DCLRE1C: variants seen among roughly 807,000 people sequenced by gnomAD.
The protein encoded by DCLRE1C is protein artemis.
Under a neutral mutation model 61.4 loss-of-function variants are expected in DCLRE1C, and 47 were observed. The ratio of observed to expected loss-of-function variants is 0.77; its 90% CI spans 0.61 to 0.98. The LOEUF is 0.98. Among genes scored for constraint, DCLRE1C ranks in the 50% least tolerant of loss-of-function variants. DCLRE1C has a pLI of 0.00. For synonymous variants in DCLRE1C, 337 were observed against 287.6 expected (o/e 1.17, Z -1.74); for missense variants, 858 against 816.0 (o/e 1.05, Z -0.63).
intron 13 of DCLRE1C, among the ~76,000 whole-genome samples, chr10:14,910,428 C>T (rs41300662): frequency 1.3e-5 from 2 of 152,126 alleles, no homozygotes; most frequent in African/African-American, 4.8e-5. Flanking sequence ...ACAGTTCAGC[C>T]TCTACCTCTC....
intron 13 of DCLRE1C, among the ~76,000 whole-genome samples, chr10:14,916,786 C>T (rs1241481892): frequency 3.3e-5 from 5 of 152,134 alleles, no homozygotes; most frequent in Non-Finnish European, 7.3e-5. Context: ...AGAGGTATAC[C>T]ATGTTCATGG....
chr10:14,919,361 A>G (rs41299724), intron 13 of DCLRE1C, among the ~76,000 whole-genome samples: 4,696 of 152,288 alleles, frequency 0.031, 91 homozygotes, highest in Non-Finnish European at 0.048. Context: ...TATTATCAGC[A>G]TTTACTAGTA....
chr10:14,919,787 A>G lies in DCLRE1C; in HGVS notation c.1107T>C (p.Tyr369=). The change falls in exon 13 of 14, where the codon TAT becomes TAC. Residue 369 remains tyrosine (Y), a synonymous_variant. Coordinates refer to ENST00000378278, the MANE Select transcript of DCLRE1C (RefSeq NM_001033855.3). ...CTCTCTTCAGTTTTCCCAGTGGTTT[A>G]TACTTTGGCTCCGTACTTTGGGAAG... ...CRSSQSTEPK[Y]KPLGKLKRAR... 1 of 1,614,034 alleles carries G rather than the reference A, an allele frequency of 6.2e-7. No individual in the cohort carries two copies. Among genetic ancestry groups the G allele is most frequent in the African/African-American group, 1.3e-5 (1 of 75,026 alleles).
intron 1 of DCLRE1C, among the ~76,000 whole-genome samples, chr10:14,952,823 G>A (rs1842648743): frequency 6.6e-6 from 1 of 151,896 alleles, no homozygotes; most frequent in Non-Finnish European, 1.5e-5. Flanking sequence ...GTGGCTTTGT[G>A]GAAAAAAAAA....
At chr10:14,922,950 A>G in intron 12 of DCLRE1C, 31 bp downstream of exon 12, 1 of 1,511,922 alleles carries the variant, frequency 6.6e-7, no homozygotes. Flanking sequence ...ACCAAGGGGG[A>G]CACCAAGTCC....
At chr10:14,945,440 C>A (rs574379521) in intron 2 of DCLRE1C, 6 of 1,228,382 alleles carry the variant, frequency 4.9e-6, no homozygotes, top group Non-Finnish European at 1.0e-6. Flanking sequence ...CATACCTATG[C>A]ACACCATTTC....
chr10:14,907,569 A>AAAT lies in DCLRE1C; in HGVS notation c.*836_*838dup, dbSNP rs1834519625. Among the ~76,000 whole-genome samples, 1 of 152,036 alleles carries AAAT rather than the reference A, an allele frequency of 6.6e-6. No homozygotes were observed. Among genetic ancestry groups the AAAT allele is most frequent in the African/African-American group, 2.4e-5 (1 of 41,396 alleles). On this transcript the variant is annotated 3_prime_UTR_variant, in exon 14 of 14. Coordinates refer to ENST00000378278, the MANE Select transcript of DCLRE1C (RefSeq NM_001033855.3). ...CTCTTTTCAGCTGTTCTAGCTTCAT[A>AAAT]AATTTTTGGAGCTGTTAGGTGCATA...
chr10:14,900,900 T>C (rs1294221937), downstream of DCLRE1C, among the ~76,000 whole-genome samples: 1 of 152,252 alleles, frequency 6.6e-6, no homozygotes, highest in African/African-American at 2.4e-5. Context: ...GTTGAAGCTG[T>C]ATAGTGGATA....
chr10:14,941,387 T>C (rs1840830186), intron 3 of DCLRE1C, among the ~76,000 whole-genome samples: 1 of 152,004 alleles, frequency 6.6e-6, no homozygotes, highest in South Asian at 2.1e-4. Flanking sequence ...GGGGCTCAAG[T>C]GATTTTTCTG....
Position 14,905,427 on chromosome 10 carries a change from C to A in DCLRE1C, c.*2981G>T, listed in dbSNP as rs150932121. Among the ~76,000 whole-genome samples the A allele has an allele frequency of 5.2e-4, 79 of 152,318 alleles. No homozygotes were observed. The highest frequency in any genetic ancestry group is 1.7e-3 in the African/African-American group (69 of 41,572). ...AATTCAGAGCTCATATTCATTGACC[C>A]AGTCTTTTATGCCTTTTATATGTAT... On this transcript the variant is annotated 3_prime_UTR_variant, in exon 14 of 14. Transcript: ENST00000378278.
At chr10:14,923,371 C>T (rs75253797) in intron 11 of DCLRE1C, 2 of 298,404 alleles carry the variant, frequency 6.7e-6, no homozygotes, top group South Asian at 3.9e-5. Flanking sequence ...CTCAAAGATT[C>T]TTTTTTTTTT....
At chr10:14,901,276 G>A, downstream of DCLRE1C, 1 of 1,613,324 alleles carries the variant, frequency 6.2e-7, no homozygotes, top group Non-Finnish European at 8.5e-7. Context: ...TGCTTTTCAA[G>A]TACAGTTTCA....
rs769742765 is a variant in DCLRE1C, at chr10:14,923,011, A to G, written c.1031T>C (p.Val344Ala). ...PVNAYPNVIP[V>A]GTTMDKVVEI... ...GACAACTTTATCCATAGTTGTGCCA[A>G]CTGGAATGACATTTGGATATGCGTT... The change falls in exon 12 of 14, where the codon GTT becomes GCT. Residue 344 changes from valine (V) to alanine (A), a missense_variant. This residue lies in a region of DCLRE1C where 843 missense variants were observed against 783.5 expected (regional missense o/e 1.08). Coordinates refer to ENST00000378278, the MANE Select transcript of DCLRE1C (RefSeq NM_001033855.3). 3 of 1,614,208 alleles carry G rather than the reference A, an allele frequency of 1.9e-6. No homozygotes were observed. Among genetic ancestry groups the G allele is most frequent in the South Asian group, 1.1e-5 (1 of 91,084 alleles).
At chr10:14,954,149 G>A, upstream of DCLRE1C, 1 of 1,459,348 alleles carries the variant, frequency 6.9e-7, no homozygotes, top group Non-Finnish European at 9.3e-7. Context: ...AATCAGAGGA[G>A]TCCGGAGACC....
rs1839264688 is a variant in DCLRE1C, at chr10:14,932,895, T to C, written c.739A>G (p.Thr247Ala). The change falls in exon 9 of 14, where the codon ACA (threonine) becomes GCA (alanine). Residue 247 changes from threonine (T) to alanine (A), a missense_variant. Transcript: ENST00000378278. ...GCATGGATCTGAGTGTTGCGGTCTG[T>C]TGTGAGATGATGAAGGATCTCAGGC... ...NMPEILHHLT[T>A]DRNTQIHACR... 2 of 1,614,234 alleles carry C rather than the reference T, an allele frequency of 1.2e-6. No homozygotes were observed. Among genetic ancestry groups the C allele is most frequent in the Non-Finnish European group, 1.7e-6 (2 of 1,180,036 alleles).
chr10:14,928,261 AAAAT>A (rs1838358615), intron 9 of DCLRE1C, 109 bp from the exon 10 acceptor site: 2 of 959,236 alleles, frequency 2.1e-6, no homozygotes. Flanking sequence ...GAAAAAATAA[AAAAT>A]AAAAAAAAAG....
chr10:14,950,557 G>C (rs935594704), intron 1 of DCLRE1C, among the ~76,000 whole-genome samples: 2 of 152,200 alleles, frequency 1.3e-5, no homozygotes, highest in African/African-American at 4.8e-5. Flanking sequence ...CTCCAGGAGA[G>C]TCCACCTGTC....
rs750020058 is a variant in DCLRE1C at position 14,908,165 on chromosome 10, CTT to C, written c.*241_*242del. The stretch of plus-strand genomic sequence containing the variant: ...CAGAGTAGCCCACCACCATGCCTGG[CTT>C]TTTTTTTTTTTTTTTTTTTTGTAAG... On this transcript the variant is annotated 3_prime_UTR_variant, in exon 14 of 14. Coordinates refer to ENST00000378278, the MANE Select transcript of DCLRE1C (RefSeq NM_001033855.3). 0.055 allele frequency: 10,661 copies of C among 195,426 alleles called. 143 individuals carry two copies. The highest frequency in any genetic ancestry group is 0.072 in the Admixed American group (799 of 11,074). The allele number at this position is 195,426 out of a possible 1,614,324, so 12.1% of individuals were successfully genotyped here. A position where few individuals can be genotyped will look rare whatever the true frequency, so the allele number is the denominator to read the frequency against.
In DCLRE1C at chr10:14,907,249, G is replaced by T. The variant is rs1834480878; in HGVS notation, c.*1159C>A. Among the ~76,000 whole-genome samples, 1 of 150,842 alleles carries T rather than the reference G, an allele frequency of 6.6e-6. No individual in the cohort carries two copies. Among genetic ancestry groups the T allele is most frequent in the African/African-American group, 2.4e-5 (1 of 40,882 alleles). ...GGTTAAGTGACTTAACATCTTTGGG[G>T]ATAAATAAGGTGCTGATTTTGTCTA... On this transcript the variant is annotated 3_prime_UTR_variant, in exon 14 of 14. Transcript: ENST00000378278.
Sources: allele counts gnomAD v4.1 joint callset (sites outside exome capture counted in the v4.1 genomes callset), GRCh38; gene constraint gnomAD v4.1.1; regional missense constraint gnomAD v4.1.1; transcripts MANE v1.5; gene names NCBI Gene and HGNC (gene_info 2026-07-23, HGNC 2026-07-21).